The following MECR variants were observed in gnomAD, a reference collection of about 807,000 sequenced individuals.
MECR encodes the protein mitochondrial trans-2-enoyl-CoA reductase.
MECR carries 37 observed loss-of-function variants against 49.1 expected under a neutral mutation model. The observed-to-expected ratio is 0.75, with a 90% CI of 0.58 to 0.99. The LOEUF is 0.99. Ranked by LOEUF, MECR falls within the 50% of genes least tolerant of loss-of-function variation. MECR has a pLI of 0.00. For synonymous variants in MECR, 198 were observed against 191.1 expected, an observed-to-expected ratio of 1.04 and a Z score of -0.30; for missense variants, 470 against 479.6, an observed-to-expected ratio of 0.98 and a Z score of 0.19.
chr1:29,181,822 A>C, the MECR span: 2 of 1,328,652 alleles, frequency 1.5e-6, no homozygotes, highest in African/African-American at 1.5e-5. Flanking sequence ...AAGCGAGAGC[A>C]CGGCGGCAGC....
intron 1 of MECR, chr1:29,224,520 T>G (rs554032215): frequency 6.6e-6 from 1 of 152,302 alleles, no homozygotes; most frequent in South Asian, 2.1e-4. Flanking sequence ...TCATGATAAT[T>G]TCCATGGCTG....
chr1:29,181,257 C>T, the MECR span, among the ~76,000 whole-genome samples: 1 of 152,200 alleles, frequency 6.6e-6, no homozygotes, highest in Non-Finnish European at 1.5e-5. Flanking sequence ...CTGTTTATTT[C>T]CAGTAGTCCT....
At chr1:29,208,139 C>T (rs911524953) in intron 3 of MECR, among the ~76,000 whole-genome samples, 1 of 152,092 alleles carries the variant, frequency 6.6e-6, no homozygotes, top group Non-Finnish European at 1.5e-5. Context: ...ATTACAGGCA[C>T]CTGCCACCAC....
In MECR at chr1:29,201,412, G is replaced by C. The variant is rs1296005560; in HGVS notation, c.756+531C>G. On this transcript the variant is annotated intron_variant, in intron 6 of 9. Transcript: ENST00000263702. The surrounding 1 kb of genome is among the most constrained non-coding windows in gnomAD (Gnocchi z 4.3). The stretch of plus-strand genomic sequence containing the variant: ...GGGTGGAGGTTCTGGAAGGTTAAGA[G>C]GCTTTGAGTTCGGAGAGACTGAGGC... 4 of 532,764 alleles carry C rather than the reference G, an allele frequency of 7.5e-6. No homozygotes were observed. In the Admixed American group the frequency reaches 7.8e-5, roughly 10 times the overall value. The allele number at this position is 532,764 out of a possible 1,614,324, so 33.0% of individuals were successfully genotyped here.
chr1:29,211,765 T>C (rs1450672586), intron 3 of MECR, among the ~76,000 whole-genome samples: 1 of 152,192 alleles, frequency 6.6e-6, no homozygotes, highest in Admixed American at 6.5e-5. Flanking sequence ...CAGGAAGGTT[T>C]TGCATATTTC....
chr1:29,222,265 T>G (rs1680957574), intron 1 of MECR, among the ~76,000 whole-genome samples: 1 of 152,078 alleles, frequency 6.6e-6, no homozygotes, highest in African/African-American at 2.4e-5. Context: ...GGCTAATTTT[T>G]TTTTTGTATT....
chr1:29,223,107 G>A (rs1681168492), intron 1 of MECR: 1 of 985,468 alleles, frequency 1.0e-6, no homozygotes, highest in Non-Finnish European at 1.2e-6. Flanking sequence ...ACCCAACCCA[G>A]CCTGGCTAGA....
At chr1:29,177,267 T>C in the MECR span, among the ~76,000 whole-genome samples, 1 of 151,146 alleles carries the variant, frequency 6.6e-6, no homozygotes. Context: ...CTCCCTTCCC[T>C]ACAGTAACTC....
the MECR span, among the ~76,000 whole-genome samples, chr1:29,176,836 A>C: frequency 1.3e-5 from 2 of 152,254 alleles, no homozygotes; most frequent in African/African-American, 4.8e-5. Flanking sequence ...CTGAAAATTC[A>C]GGCTATTCAT....
chr1:29,199,396 T>G (rs762118151), intron 7 of MECR, among the ~76,000 whole-genome samples: 1 of 140,458 alleles, frequency 7.1e-6, no homozygotes, highest in African/African-American at 2.7e-5. Flanking sequence ...CCTGGCTAAT[T>G]TTTTGTATTT....
chr1:29,174,129 C>T, the MECR span, among the ~76,000 whole-genome samples: 2 of 150,032 alleles, frequency 1.3e-5, no homozygotes, highest in South Asian at 2.1e-4. Context: ...GCAGAGGTTG[C>T]AGTGAGCTGA....
downstream of MECR, among the ~76,000 whole-genome samples, chr1:29,191,928 C>T (rs1195216787): frequency 6.6e-6 from 1 of 151,914 alleles, no homozygotes; most frequent in East Asian, 1.9e-4. Context: ...CCCATCTCTA[C>T]TAAAAATACA....
Position 29,193,656 on chromosome 1 carries a change from C to T in MECR, c.*366G>A. On this transcript the variant is annotated 3_prime_UTR_variant, in exon 10 of 10. Coordinates refer to ENST00000263702, the MANE Select transcript of MECR (RefSeq NM_016011.5). ...GCTTGGGGCCAGGGATGGTGGCCTA[C>T]TGGCCTTTGCACTGCCAGTACCCAC... 1 of 215,134 alleles carries T rather than the reference C, an allele frequency of 4.6e-6. No homozygotes were observed. The highest frequency in any genetic ancestry group is 9.4e-6 in the Non-Finnish European group (1 of 106,028). 13.3% of individuals were successfully genotyped at this position (215,134 alleles called of 1,614,324 possible). A position where few individuals can be genotyped will look rare whatever the true frequency, so the allele number is the denominator to read the frequency against.
At chr1:29,178,500 T>C in the MECR span, among the ~76,000 whole-genome samples, 1 of 152,048 alleles carries the variant, frequency 6.6e-6, no homozygotes, top group African/African-American at 2.4e-5. Context: ...CCTGCCACCA[T>C]GCCCGGCTAC....
intron 3 of MECR, among the ~76,000 whole-genome samples, chr1:29,209,916 A>AGG (rs1158901898): frequency 6.6e-6 from 1 of 152,020 alleles, no homozygotes; most frequent in Admixed American, 6.6e-5. Flanking sequence ...TGTGGGAAGC[A>AGG]GGGGGCAGCC....
intron 3 of MECR, among the ~76,000 whole-genome samples, chr1:29,209,598 T>C (rs2151879985): frequency 6.6e-6 from 1 of 152,200 alleles, no homozygotes; most frequent in African/African-American, 2.4e-5. Flanking sequence ...GGATTTGAGT[T>C]CTATTTTAAA....
intron 5 of MECR, 141 bp downstream of exon 5, chr1:29,202,990 C>CT: frequency 3.2e-6 from 2 of 620,376 alleles, no homozygotes; most frequent in Non-Finnish European, 5.6e-6. Context: ...TCATCTGTTT[C>CT]AGCCGCCAAC....
Position 29,230,830 on chromosome 1 carries a change from C to T in MECR, c.77G>A (p.Cys26Tyr). The T allele has an allele frequency of 1.9e-6, 3 of 1,608,210 alleles. No individual in the cohort carries two copies. The highest frequency in any genetic ancestry group is 2.5e-6 in the Non-Finnish European group (3 of 1,179,194). The change falls in exon 1 of 10, where the codon TGT becomes TAT. Residue 26 changes from cysteine to tyrosine, a missense_variant. By Grantham distance (194) the Cys-to-Tyr change is radical. Coordinates refer to ENST00000263702, the MANE Select transcript of MECR (RefSeq NM_016011.5). ...GTAGGAGGAGGCGGCAGGTCCGTGA[C>T]AGCCAGAAGCTGGGAGCAGCCCCCG... is the stretch of plus-strand genomic sequence containing the variant. ...QWRGLLPASG[C>Y]HGPAASSYSA...
At chr1:29,208,211 C>T (rs1045060179) in intron 3 of MECR, among the ~76,000 whole-genome samples, 1 of 152,180 alleles carries the variant, frequency 6.6e-6, no homozygotes, top group African/African-American at 2.4e-5. Flanking sequence ...AGGCTGGTCT[C>T]GAACTCCTGA....
Sources: allele counts gnomAD v4.1 joint callset (sites outside exome capture counted in the v4.1 genomes callset), GRCh38; gene constraint gnomAD v4.1.1; non-coding constraint Gnocchi (gnomAD v3.1); transcripts MANE v1.5; gene names NCBI Gene and HGNC (gene_info 2026-07-23, HGNC 2026-07-21).